Variants in PCYOX1 observed in about 807,000 individuals in gnomAD.
PCYOX1 encodes the protein prenylcysteine lyase.
In PCYOX1, 46 loss-of-function variants were observed where a neutral mutation model predicts 46.4. The observed-to-expected ratio is 0.99, with a 90% CI of 0.78 to 1.27. The LOEUF (loss-of-function observed/expected upper bound fraction) is 1.27. Among genes scored for constraint, PCYOX1 ranks in the 50% most tolerant of loss-of-function variants. PCYOX1 has a pLI of 0.00. For missense variants in PCYOX1, 658 were observed against 628.3 expected (o/e 1.05, Z -0.51); for synonymous variants, 220 against 231.8 (o/e 0.95, Z 0.46).
Position 70,275,514 on chromosome 2 carries a change from G to A in PCYOX1, c.707G>A (p.Gly236Glu). 1 of 1,613,542 alleles carries A rather than the reference G, an allele frequency of 6.2e-7. No individual in the cohort carries two copies. The highest frequency in any genetic ancestry group is 8.5e-7 in the Non-Finnish European group (1 of 1,179,736). ...AACACATTTTTCCTCCTATTGACAG[G>A]GGCGGTGTCACTGTCCTGTTCTGAT... ...GQSTDINAFV[G>E]AVSLSCSDSG... Residue 236 changes from glycine (G) to glutamate (E), a missense_variant and splice_region_variant, in exon 5 of 6, where the codon GGG becomes GAG. Gly to Glu is a moderately conservative substitution (Grantham distance 98). Transcript: ENST00000433351.
At chr2:70,266,739 C>G (rs905216949) in intron 3 of PCYOX1, among the ~76,000 whole-genome samples, 5 of 152,060 alleles carry the variant, frequency 3.3e-5, no homozygotes, top group African/African-American at 1.2e-4. Context: ...CCATTTAACC[C>G]TTAGTGGACA....
rs534387282 is a variant in PCYOX1, at chr2:70,275,582, T to C, written c.775T>C (p.Ser259Pro). The C allele has an allele frequency of 1.2e-6, 2 of 1,614,160 alleles. No homozygotes were observed. Among genetic ancestry groups the C allele is most frequent in the Admixed American group, 1.7e-5 (1 of 60,022 alleles). Residue 259 changes from serine to proline, a missense_variant, in exon 5 of 6, where the codon TCA becomes CCA. Ser to Pro is a moderately conservative substitution (Grantham distance 74). Transcript: ENST00000433351. ...AVEGGNKLVC[S>P]GLLQASKSNL... Reference sequence around the variant, plus strand: ...AGAAGGTGGCAATAAACTTGTTTGCTCAGGGCTTCTGCAGGCATCCAAAAG... The same window carrying C: ...AGAAGGTGGCAATAAACTTGTTTGCCCAGGGCTTCTGCAGGCATCCAAAAG...
chr2:70,262,466 G>A (rs894855933), intron 3 of PCYOX1, among the ~76,000 whole-genome samples: 2 of 149,322 alleles, frequency 1.3e-5, no homozygotes, highest in Non-Finnish European at 3.0e-5. Flanking sequence ...GAGCTTGGCC[G>A]GCATGTGCTA....
intron 2 of PCYOX1, 128 bp from the exon 3 acceptor site, chr2:70,261,084 G>C (rs552255268): frequency 6.6e-6 from 4 of 605,672 alleles, no homozygotes; most frequent in Non-Finnish European, 1.2e-5. Flanking sequence ...GTTTCACACT[G>C]TTCCAAAGAT....
chr2:70,275,289 C>T lies in PCYOX1; in HGVS notation c.706+119C>T. On this transcript the variant is annotated intron_variant, in intron 4 of 5. Transcript: ENST00000433351. ...GCTACTTTTCTCTGTGAACCTCAGACATTGTTAGCAAAATTGTGCGTATGT... is the reference window on the plus strand; with the variant it reads ...GCTACTTTTCTCTGTGAACCTCAGATATTGTTAGCAAAATTGTGCGTATGT... 6.4e-6 allele frequency: 6 copies of T among 941,078 alleles called. No homozygotes were observed. In the South Asian group the frequency reaches 8.7e-5, roughly 14 times the overall value. The allele number at this position is 941,078 out of a possible 1,614,324, so 58.3% of individuals were successfully genotyped here. A position where few individuals can be genotyped will look rare whatever the true frequency, so the allele number is the denominator to read the frequency against.
rs954724262 is a variant in PCYOX1, at chr2:70,281,018, A to C, written c.*3626A>C. On this transcript the variant is annotated 3_prime_UTR_variant, in exon 6 of 6. Transcript: ENST00000433351. The stretch of plus-strand genomic sequence containing the variant: ...TTTGAGCTTGTGGGCCATACAATTC[A>C]TTAACTAGATGAATACATTGTGGAC... The C allele has an allele frequency of 6.6e-6, 1 of 152,174 alleles. No individual in the cohort carries two copies. The highest frequency in any genetic ancestry group is 2.4e-5 in the African/African-American group (1 of 41,448). 9.4% of individuals were successfully genotyped at this position (152,174 alleles called of 1,614,324 possible).
At chr2:70,275,305 G>A (rs932107189) in intron 4 of PCYOX1, 135 bp downstream of exon 4, 2 of 871,962 alleles carry the variant, frequency 2.3e-6, no homozygotes, top group Non-Finnish European at 3.7e-6. Context: ...TAGCAAAATT[G>A]TGCGTATGTA....
chr2:70,270,222 C>T (rs928617634), intron 3 of PCYOX1, among the ~76,000 whole-genome samples: 7 of 152,114 alleles, frequency 4.6e-5, no homozygotes, highest in African/African-American at 1.7e-4. Context: ...TCTTGAACTC[C>T]TGACCTCAAG....
intron 3 of PCYOX1, among the ~76,000 whole-genome samples, chr2:70,272,323 C>T (rs1372434368): frequency 2.0e-5 from 3 of 152,018 alleles, no homozygotes; most frequent in African/African-American, 4.8e-5. Flanking sequence ...GGTGGGGTTT[C>T]GCTATGTTGG....
intron 1 of PCYOX1, 118 bp downstream of exon 1, chr2:70,258,394 A>G (rs971768044): frequency 3.2e-6 from 2 of 622,244 alleles, no homozygotes; most frequent in Non-Finnish European, 5.2e-6. Flanking sequence ...AGGCCGAGCC[A>G]GCTGCGCAGG....
At chr2:70,263,110 T>G (rs556010426) in intron 3 of PCYOX1, among the ~76,000 whole-genome samples, 1 of 152,024 alleles carries the variant, frequency 6.6e-6, no homozygotes, top group South Asian at 2.1e-4. Flanking sequence ...GGTGCATGCC[T>G]GTAATCCCAG....
At chr2:70,258,316 C>G in intron 1 of PCYOX1, 40 bp downstream of exon 1, 6 of 1,357,340 alleles carry the variant, frequency 4.4e-6, no homozygotes, top group Non-Finnish European at 5.9e-6. Context: ...TGCTGGAGCG[C>G]GCCCCGCGCC....
upstream of PCYOX1, chr2:70,258,052 C>A: frequency 3.9e-6 from 3 of 772,092 alleles, no homozygotes; most frequent in Non-Finnish European, 5.7e-6. Context: ...AGGACCTGGG[C>A]GGGGCTCGCA....
At chr2:70,260,845 T>A (rs1381665316) in intron 2 of PCYOX1, among the ~76,000 whole-genome samples, 7 of 152,072 alleles carry the variant, frequency 4.6e-5, no homozygotes. Flanking sequence ...AGGGCGAAGG[T>A]ATACCCAGAA....
At chr2:70,275,802 A>T in intron 5 of PCYOX1, 136 bp downstream of exon 5, 1 of 876,390 alleles carries the variant, frequency 1.1e-6, no homozygotes. Flanking sequence ...TACCATATAG[A>T]AATATTCCCC....
chr2:70,273,059 T>A (rs535053663), intron 3 of PCYOX1, among the ~76,000 whole-genome samples: 30 of 152,296 alleles, frequency 2.0e-4, no homozygotes, highest in Middle Eastern at 3.4e-3. Context: ...TCTGTTTATA[T>A]TGTGTATATA....
rs1180631403 is a variant in PCYOX1 at position 70,264,748 on chromosome 2, G to A, written c.494+3362G>A. Among the ~76,000 whole-genome samples, 6 of 151,876 alleles carry A rather than the reference G, an allele frequency of 4.0e-5. No homozygotes were observed. The East Asian group carries it at 5.9e-4, about 15-fold the overall frequency. On this transcript the variant is annotated intron_variant, in intron 3 of 5. Transcript: ENST00000433351. ...AATAATTTACGGGCCGGGCGCGGTG[G>A]CACACGCCTGTAATCCCAGCACTTT...
upstream of PCYOX1, chr2:70,258,120 A>C (rs1440451718): frequency 1.4e-6 from 2 of 1,455,112 alleles, no homozygotes; most frequent in Non-Finnish European, 1.9e-6. Flanking sequence ...CAGCGGTGGG[A>C]GGACTGCGGG....
chr2:70,276,758 T>G lies in PCYOX1; in HGVS notation c.884T>G (p.Val295Gly). ...GGAAATCCAACAAAGATGTATGAAG[T>G]GGTCTACCAAATTGGAACTGAGACT... ...YTGNPTKMYE[V>G]VYQIGTETRS... The change falls in exon 6 of 6, where the codon GTG becomes GGG. Residue 295 changes from valine to glycine, a missense_variant. Coordinates refer to ENST00000433351, the MANE Select transcript of PCYOX1 (RefSeq NM_016297.4). 1 of 1,598,924 alleles carries G rather than the reference T, an allele frequency of 6.3e-7. No individual in the cohort carries two copies. Among genetic ancestry groups the G allele is most frequent in the Non-Finnish European group, 8.5e-7 (1 of 1,172,502 alleles).
Sources: allele counts gnomAD v4.1 joint callset (sites outside exome capture counted in the v4.1 genomes callset), GRCh38; gene constraint gnomAD v4.1.1; transcripts MANE v1.5; gene names NCBI Gene and HGNC (gene_info 2026-07-23, HGNC 2026-07-21).